PDLIM5: variants seen among roughly 807,000 people sequenced by gnomAD.
PDLIM5 encodes PDZ and LIM domain 5.
PDLIM5 carries 34 observed loss-of-function variants against 64.2 expected under a neutral mutation model. That is an observed-to-expected ratio of 0.53 (90% CI 0.40 to 0.71). PDLIM5 has a LOEUF of 0.71. PDLIM5 is among the 30% of genes least tolerant of loss of function. PDLIM5 has a pLI of 0.00. For synonymous variants in PDLIM5, 253 were observed against 269.1 expected (o/e 0.94, Z 0.59); for missense variants, 683 against 733.6 (o/e 0.93, Z 0.80).
chr4:94,521,985 C>T (rs185966370), intron 2 of PDLIM5, among the ~76,000 whole-genome samples: 2 of 152,136 alleles, frequency 1.3e-5, no homozygotes, highest in Non-Finnish European at 2.9e-5. Context: ...CTTTGTCTCA[C>T]AGAAGTCTTC....
intron 3 of PDLIM5, among the ~76,000 whole-genome samples, chr4:94,531,507 G>A (rs751261025): frequency 1.3e-5 from 2 of 152,142 alleles, no homozygotes. Context: ...TAATACTAGC[G>A]ATAGCTGATG....
intron 9 of PDLIM5, among the ~76,000 whole-genome samples, chr4:94,652,463 A>G (rs567444756): frequency 1.3e-5 from 2 of 152,326 alleles, no homozygotes; most frequent in African/African-American, 4.8e-5. Context: ...GGCACTCATC[A>G]AACTTTGTCT....
At chr4:94,589,662 T>C (rs1447482394) in intron 7 of PDLIM5, among the ~76,000 whole-genome samples, 1 of 152,218 alleles carries the variant, frequency 6.6e-6, no homozygotes, top group Non-Finnish European at 1.5e-5. Flanking sequence ...ATAGGCTTGT[T>C]TTTAAAGTGA....
intron 3 of PDLIM5, among the ~76,000 whole-genome samples, chr4:94,527,661 G>C (rs144970788): frequency 0.01 from 1,542 of 152,318 alleles, 14 homozygotes; most frequent in South Asian, 0.019. Context: ...ATGAGCAAAG[G>C]TGTGATTTCA....
At chr4:94,586,305 A>C (rs1277400548) in intron 6 of PDLIM5, 103 bp from the exon 7 acceptor site, 6 of 667,814 alleles carry the variant, frequency 9.0e-6, no homozygotes, top group Non-Finnish European at 5.3e-6. Context: ...TAGTGGCTCC[A>C]TGGAAGTTGA....
At chr4:94,535,884 T>TCCCCCA (rs1450882718) in intron 3 of PDLIM5, among the ~76,000 whole-genome samples, 2 of 146,762 alleles carry the variant, frequency 1.4e-5, no homozygotes, top group African/African-American at 5.0e-5. Context: ...GGACAACCCT[T>TCCCCCA]CCCCCACCAC....
chr4:94,561,866 TG>T (rs1330379148), intron 3 of PDLIM5, among the ~76,000 whole-genome samples: 4 of 152,216 alleles, frequency 2.6e-5, no homozygotes, highest in Admixed American at 1.3e-4. Flanking sequence ...ATGTTATTGT[TG>T]GAACAACACA....
intron 2 of PDLIM5, among the ~76,000 whole-genome samples, chr4:94,493,271 C>T (rs1727033396): frequency 6.6e-6 from 1 of 151,712 alleles, no homozygotes; most frequent in Non-Finnish European, 1.5e-5. Context: ...TTTTCATGTA[C>T]ATGATTTTCT....
intron 7 of PDLIM5, among the ~76,000 whole-genome samples, chr4:94,596,039 A>G (rs1372264330): frequency 1.3e-5 from 2 of 152,168 alleles, no homozygotes; most frequent in African/African-American, 4.8e-5. Flanking sequence ...CTGGTTGAGT[A>G]TACTGTTTTA....
chr4:94,513,986 G>GT (rs1560668810), intron 2 of PDLIM5, among the ~76,000 whole-genome samples: 1 of 152,022 alleles, frequency 6.6e-6, no homozygotes, highest in Non-Finnish European at 1.5e-5. Flanking sequence ...TGATCATATG[G>GT]TTTTTGTCCT....
chr4:94,478,895 T>TTTG (rs963237576), intron 2 of PDLIM5, among the ~76,000 whole-genome samples: 1 of 53,182 alleles, frequency 1.9e-5, no homozygotes, highest in African/African-American at 6.9e-5. Context: ...TTGGTGTTTT[T>TTTG]TTTTTTTTTT....
chr4:94,537,125 A>G (rs1731386711), intron 3 of PDLIM5, among the ~76,000 whole-genome samples: 2 of 151,846 alleles, frequency 1.3e-5, no homozygotes, highest in African/African-American at 4.8e-5. Flanking sequence ...TCTTTCATTC[A>G]TTTTTTTTGT....
intron 2 of PDLIM5, among the ~76,000 whole-genome samples, chr4:94,504,562 G>A (rs1728223880): frequency 1.3e-5 from 2 of 152,206 alleles, no homozygotes; most frequent in African/African-American, 4.8e-5. Context: ...TGGGATTACA[G>A]GTGTGAGCCG....
intron 2 of PDLIM5, among the ~76,000 whole-genome samples, chr4:94,490,148 A>C (rs941257635): frequency 1.3e-5 from 2 of 151,864 alleles, no homozygotes; most frequent in Non-Finnish European, 2.9e-5. Context: ...AATCTTATTG[A>C]GTGTAATAAT....
intron 5 of PDLIM5, among the ~76,000 whole-genome samples, chr4:94,580,982 A>G (rs1735686644): frequency 6.6e-6 from 1 of 152,198 alleles, no homozygotes; most frequent in Non-Finnish European, 1.5e-5. Flanking sequence ...TATTCCAACA[A>G]TAAACCTGTA....
chr4:94,637,632 G>A (rs1461160255), intron 8 of PDLIM5, among the ~76,000 whole-genome samples: 1 of 152,190 alleles, frequency 6.6e-6, no homozygotes, highest in Non-Finnish European at 1.5e-5. Flanking sequence ...CTCTAATTTA[G>A]TCTGAAGATG....
At chr4:94,498,707 G>A (rs1382799124) in intron 2 of PDLIM5, among the ~76,000 whole-genome samples, 1 of 152,194 alleles carries the variant, frequency 6.6e-6, no homozygotes, top group Non-Finnish European at 1.5e-5. Flanking sequence ...TGTAAGATGA[G>A]GAGGGGAAAC....
chr4:94,506,073 C>T (rs1728368024), intron 2 of PDLIM5, among the ~76,000 whole-genome samples: 1 of 152,196 alleles, frequency 6.6e-6, no homozygotes. Flanking sequence ...ATACAAAAGA[C>T]ACTTCTATCA....
chr4:94,460,901 A>G (rs1362029619), intron 2 of PDLIM5, among the ~76,000 whole-genome samples: 2 of 152,182 alleles, frequency 1.3e-5, no homozygotes, highest in African/African-American at 4.8e-5. Flanking sequence ...ATTATTAATA[A>G]TTTGGAGCCT....
Sources: gnomAD v4.1 joint callset for allele counts (sites outside exome capture counted in the v4.1 genomes callset) on GRCh38, gnomAD v4.1.1 for gene constraint, MANE v1.5 for transcripts, NCBI Gene and HGNC (gene_info 2026-07-23, HGNC 2026-07-21) for gene names.